Variants in ZNF138 observed in about 807,000 individuals in gnomAD.
The protein encoded by ZNF138 is zinc finger protein 138 (clone pHZ-32).
ZNF138 carries 33 observed loss-of-function variants against 33.0 expected under a neutral mutation model. That is an observed-to-expected ratio of 1.00 (90% confidence interval 0.76 to 1.34). The LOEUF (loss-of-function observed/expected upper bound fraction) is 1.34. ZNF138 is among the 40% of genes most tolerant of loss of function. The probability of loss-of-function intolerance (pLI) is 0.00; values close to 1 mark genes in which losing one functional copy is unlikely to be tolerated. For missense variants in ZNF138, 360 were observed against 370.8 expected (o/e 0.97, Z 0.24); for synonymous variants, 139 against 120.4 (o/e 1.15, Z -1.01).
chr7:64,820,371 A>G (rs1789030425), intron 3 of ZNF138, among the ~76,000 whole-genome samples: 1 of 151,660 alleles, frequency 6.6e-6, no homozygotes, highest in Admixed American at 6.6e-5. Flanking sequence ...AAGATTTTCT[A>G]TTTTAAGGCT....
chr7:64,848,957 GCC>G, the ZNF138 span, among the ~76,000 whole-genome samples: 4 of 152,092 alleles, frequency 2.6e-5, no homozygotes, highest in African/African-American at 9.7e-5. Flanking sequence ...GCCCAGCTCG[GCC>G]TCCCAAAGTG....
intron 3 of ZNF138, among the ~76,000 whole-genome samples, chr7:64,828,109 G>GA (rs1331671514): frequency 6.6e-6 from 1 of 151,616 alleles, no homozygotes; most frequent in African/African-American, 2.4e-5. Context: ...ATTTATTTGT[G>GA]AACCTATATT....
At chr7:64,808,711 C>T (rs1397002935) in intron 1 of ZNF138, among the ~76,000 whole-genome samples, 5 of 145,666 alleles carry the variant, frequency 3.4e-5, no homozygotes, top group South Asian at 2.3e-4. Flanking sequence ...ACAAAGGTCT[C>T]TGGTTTTCCT....
intron 3 of ZNF138, among the ~76,000 whole-genome samples, chr7:64,826,394 C>T (rs942353193): frequency 6.6e-6 from 1 of 152,094 alleles, no homozygotes; most frequent in African/African-American, 2.4e-5. Flanking sequence ...ATTCTTCTGC[C>T]TTGGCCTCCC....
At chr7:64,827,065 T>TTA (rs1789678372) in intron 3 of ZNF138, among the ~76,000 whole-genome samples, 1 of 151,992 alleles carries the variant, frequency 6.6e-6, no homozygotes. Context: ...ATAAATGTTT[T>TTA]TATAATGGTG....
At chr7:64,835,019 A>T (rs1442144256), downstream of ZNF138, among the ~76,000 whole-genome samples, 1 of 152,160 alleles carries the variant, frequency 6.6e-6, no homozygotes, top group Non-Finnish European at 1.5e-5. Context: ...GGGAAGTCGC[A>T]CTGTGCCAAA....
At chr7:64,823,488 A>T (rs1334602023) in intron 3 of ZNF138, among the ~76,000 whole-genome samples, 1 of 152,070 alleles carries the variant, frequency 6.6e-6, no homozygotes, top group South Asian at 2.1e-4. Context: ...GACATGCACT[A>T]CCATGTTCAA....
chr7:64,799,729 G>T (rs937954334), intron 1 of ZNF138, among the ~76,000 whole-genome samples: 12 of 151,900 alleles, frequency 7.9e-5, no homozygotes, highest in African/African-American at 2.9e-4. Context: ...CTGCAACCTC[G>T]ACCTCCCGGG....
chr7:64,815,643 C>G lies in ZNF138; in HGVS notation c.198C>G (p.Ala66=). The G allele has an allele frequency of 6.2e-7, 1 of 1,611,010 alleles. No homozygotes were observed. The highest frequency in any genetic ancestry group is 1.1e-5 in the South Asian group (1 of 90,608). Residue 66 remains alanine (A), a synonymous_variant, in exon 3 of 4, where the codon GCC becomes GCG. Coordinates refer to ENST00000307355, the MANE Select transcript of ZNF138 (RefSeq NM_001271639.2). ...TGAAGAGACATGAGATGGTGGTAGC[C>G]AAACATTCAGGTAGGTGAGAGTGAA... The part of the protein sequence containing the change: ...WNMKRHEMVV[A]KHSALCSRFA...
chr7:64,809,145 T>C, intron 1 of ZNF138, among the ~76,000 whole-genome samples: 1 of 117,750 alleles, frequency 8.5e-6, no homozygotes, highest in Non-Finnish European at 1.8e-5. Flanking sequence ...GGCTCCTCAC[T>C]TCCCAGTAGG....
the ZNF138 span, among the ~76,000 whole-genome samples, chr7:64,839,879 T>C: frequency 0.011 from 1,748 of 152,132 alleles, 78 homozygotes; most frequent in East Asian, 0.13. Context: ...GGCAAAAATC[T>C]TCTTTATTGA....
At chr7:64,814,533 G>A (rs746211673) in intron 1 of ZNF138, among the ~76,000 whole-genome samples, 4 of 152,138 alleles carry the variant, frequency 2.6e-5, no homozygotes, top group East Asian at 1.9e-4. Flanking sequence ...TTGGGAGGCC[G>A]AGGAGGGTGG....
intron 1 of ZNF138, among the ~76,000 whole-genome samples, chr7:64,809,564 CCAGA>C (rs1787943046): frequency 1.5e-5 from 2 of 135,028 alleles, no homozygotes; most frequent in African/African-American, 2.8e-5. Context: ...CACCTCCCTC[CCAGA>C]TGGGGCGGCT....
the ZNF138 span, among the ~76,000 whole-genome samples, chr7:64,846,471 C>T: frequency 6.6e-6 from 1 of 152,092 alleles, no homozygotes; most frequent in African/African-American, 2.4e-5. Flanking sequence ...TTGTAGAGGT[C>T]TTTCACCTCT....
chr7:64,833,871 T>C (rs974085740), downstream of ZNF138, among the ~76,000 whole-genome samples: 4 of 152,148 alleles, frequency 2.6e-5, no homozygotes, highest in Non-Finnish European at 5.9e-5. Context: ...ACTACAGGCA[T>C]GTACCATCAC....
At chr7:64,798,005 A>G (rs1489069999) in intron 1 of ZNF138, among the ~76,000 whole-genome samples, 1 of 152,136 alleles carries the variant, frequency 6.6e-6, no homozygotes, top group Non-Finnish European at 1.5e-5. Context: ...CAGTGGCTGG[A>G]TATCACCTCA....
chr7:64,853,144 G>C, the ZNF138 span: 2 of 1,474,878 alleles, frequency 1.4e-6, no homozygotes, highest in Admixed American at 1.7e-5. Flanking sequence ...TCAAAGGAAT[G>C]ACAAGTATCC....
At chr7:64,845,200 T>C in the ZNF138 span, among the ~76,000 whole-genome samples, 1 of 152,260 alleles carries the variant, frequency 6.6e-6, no homozygotes, top group African/African-American at 2.4e-5. Context: ...TTTCCATTCC[T>C]GAGTTACTTC....
At chr7:64,823,193 T>C (rs1375073793) in intron 3 of ZNF138, among the ~76,000 whole-genome samples, 1 of 152,226 alleles carries the variant, frequency 6.6e-6, no homozygotes, top group Admixed American at 6.5e-5. Context: ...AAATTAAATT[T>C]TTTGACCCTT....
Sources: gnomAD v4.1 joint callset for allele counts (sites outside exome capture counted in the v4.1 genomes callset) on GRCh38, gnomAD v4.1.1 for gene constraint, MANE v1.5 for transcripts, NCBI Gene and HGNC (gene_info 2026-07-23, HGNC 2026-07-21) for gene names.